The following SERPINB9 variants were observed in gnomAD, a reference collection of about 807,000 sequenced individuals.
SERPINB9 encodes serpin family B member 9, also known as serpin B9.
In SERPINB9, 20 loss-of-function variants were observed where a neutral mutation model predicts 27.2. That is an observed-to-expected ratio of 0.74 (90% CI 0.52 to 1.07). SERPINB9 has a LOEUF of 1.07. SERPINB9 is among the 50% of genes least tolerant of loss of function. The pLI, the probability that SERPINB9 is intolerant of heterozygous loss-of-function variation, is 0.00. For synonymous variants in SERPINB9, 189 were observed against 180.0 expected, an observed-to-expected ratio of 1.05 and a Z score of -0.40; for missense variants, 476 against 460.1, an observed-to-expected ratio of 1.03 and a Z score of -0.32.
intron 5 of SERPINB9, among the ~76,000 whole-genome samples, 155 bp from the exon 6 acceptor site, chr6:2,892,143 C>T (rs1464721067): frequency 7.5e-6 from 1 of 133,054 alleles, no homozygotes; most frequent in Non-Finnish European, 1.5e-5. Flanking sequence ...AAAAGTCAAC[C>T]AGTTCCTTCC....
In SERPINB9 at chr6:2,893,471, T is replaced by C. The variant is rs1467849487; in HGVS notation, c.507A>G (p.Gly169=). 4 of 1,613,432 alleles carry C rather than the reference T, an allele frequency of 2.5e-6. No homozygotes were observed. The African/African-American group carries it at 5.3e-5, about 22-fold the overall frequency. ...LVLVNAIYFK[G]KWNEPFDETY... is the part of the protein sequence containing the mutation. ...TTTCGTCAAACGGTTCATTCCACTT[T>C]CCTTTGAAGTAGATGGCATTGACAA... The change falls in exon 5 of 7, where the codon GGA becomes GGG. Residue 169 remains glycine, a synonymous_variant. Transcript: ENST00000380698.
In SERPINB9 at chr6:2,895,398, CT is replaced by C. The variant is rs1561645646; in HGVS notation, c.416del (p.Lys139ArgfsTer49). On this transcript the variant is annotated frameshift_variant, in exon 4 of 7. Coordinates refer to ENST00000380698, the MANE Select transcript of SERPINB9 (RefSeq NM_004155.6). LOFTEE classifies it high-confidence loss of function. ...ATAACTTGTCATTCTGACCTTCGGT[CT>C]TTTTTGAGACCCAGGTGTTGATGTG... ...RKHINTWVSK[K>X]TEGKIEELLP... 1.4e-5 allele frequency: 23 copies of C among 1,607,844 alleles called. No individual in the cohort carries two copies. Among genetic ancestry groups the C allele is most frequent in the Non-Finnish European group, 1.8e-5 (21 of 1,177,290 alleles).
chr6:2,892,890 T>A (rs1442857381), intron 5 of SERPINB9, among the ~76,000 whole-genome samples: 2 of 151,954 alleles, frequency 1.3e-5, no homozygotes, highest in Non-Finnish European at 2.9e-5. Flanking sequence ...AGTTTTAATA[T>A]TAAAAAGCTG....
chr6:2,900,885 T>TCACACACACACACACACACA (rs5742054), intron 1 of SERPINB9, among the ~76,000 whole-genome samples: 1,610 of 141,548 alleles, frequency 0.011, 12 homozygotes, highest in African/African-American at 0.024. Flanking sequence ...GCTCGCTCTC[T>TCACACACACACACACACACA]CACACACACA....
chr6:2,896,013 T>C (rs1667541081), intron 3 of SERPINB9, 40 bp downstream of exon 3: 1 of 1,586,354 alleles, frequency 6.3e-7, no homozygotes, highest in Admixed American at 1.8e-5. Context: ...TCACCAGGTA[T>C]GTTGAATGCA....
chr6:2,890,572 T>C lies in SERPINB9; in HGVS notation c.724-2A>G. On this transcript the variant is annotated splice_acceptor_variant, in intron 6 of 6. Transcript: ENST00000380698. LOFTEE classifies it high-confidence loss of function. The surrounding 1 kb of genome is among the most constrained non-coding windows in gnomAD (Gnocchi z 6.2). The stretch of plus-strand genomic sequence containing the variant: ...CTCAAAAGTGAGACTTTTTTCCACC[T>C]GAAAGACCAGAATTAGACTTTAAGA... 6.2e-7 allele frequency: 1 copy of C among 1,605,284 alleles called. No individual in the cohort carries two copies. Among genetic ancestry groups the C allele is most frequent in the Non-Finnish European group, 8.5e-7 (1 of 1,173,422 alleles).
chr6:2,891,047 A>C lies in SERPINB9; in HGVS notation c.724-477T>G, dbSNP rs572689025. On this transcript the variant is annotated intron_variant, in intron 6 of 6. Coordinates refer to ENST00000380698, the MANE Select transcript of SERPINB9 (RefSeq NM_004155.6). The surrounding 1 kb of genome is among the most constrained non-coding windows in gnomAD (Gnocchi z 4.0). ...GTTACCAGAGGATTATCTGCCCCAG[A>C]GAGATTCTGCATAGTTTCCGGAGCA... Among the ~76,000 whole-genome samples the C allele has an allele frequency of 1.3e-5, 2 of 152,252 alleles. No individual in the cohort carries two copies. Among genetic ancestry groups the C allele is most frequent in the African/African-American group, 4.8e-5 (2 of 41,548 alleles).
chr6:2,888,256 T>G lies in SERPINB9; in HGVS notation c.*1907A>C, dbSNP rs2113591443. On this transcript the variant is annotated 3_prime_UTR_variant, in exon 7 of 7. Transcript: ENST00000380698. ...TGGTGGGAATGTGGAATGGTTCAAC[T>G]GCTGTGGAAAACAGTTTGTCTGTTC... is the stretch of plus-strand genomic sequence containing the variant. 1 of 152,354 alleles carries G rather than the reference T, an allele frequency of 6.6e-6. No homozygotes were observed. The highest frequency in any genetic ancestry group is 2.4e-5 in the African/African-American group (1 of 41,578). The allele number at this position is 152,354 out of a possible 1,614,324, so 9.4% of individuals were successfully genotyped here.
At chr6:2,899,676 C>T (rs914897485) in intron 2 of SERPINB9, among the ~76,000 whole-genome samples, 3 of 152,188 alleles carry the variant, frequency 2.0e-5, no homozygotes, top group Non-Finnish European at 4.4e-5. Context: ...AGCCTTTACA[C>T]ATAAACCCTC....
rs1767740907 is a variant in SERPINB9 at position 2,890,142 on chromosome 6, A to C, written c.*21T>G. 6.3e-7 allele frequency: 1 copy of C among 1,595,978 alleles called. No homozygotes were observed. Among genetic ancestry groups the C allele is most frequent in the African/African-American group, 1.3e-5 (1 of 74,402 alleles). On this transcript the variant is annotated 3_prime_UTR_variant, in exon 7 of 7. Coordinates refer to ENST00000380698, the MANE Select transcript of SERPINB9 (RefSeq NM_004155.6). This position sits in a 1 kb window ranked among gnomAD's most constrained non-coding sequence, Gnocchi z 6.2. ...GGACACAGGAAGAGGGAAATGGCCG[A>C]GTGCACGGTAAGTGCACCCTTTATG...
rs2113605026 is a variant in SERPINB9 at position 2,893,403 on chromosome 6, TC to T, written c.567+7del. ...CAAACTAGCAGGATTTTAAAAAGCT[TC>T]CCCCACCTGGTTTATTTTAAAGGGC... On this transcript the variant is annotated splice_region_variant and intron_variant, in intron 5 of 6. Transcript: ENST00000380698. The T allele has an allele frequency of 6.3e-7, 1 of 1,597,002 alleles. No individual in the cohort carries two copies. The highest frequency in any genetic ancestry group is 8.5e-7 in the Non-Finnish European group (1 of 1,170,988).
In SERPINB9 at chr6:2,902,397, T is replaced by TC. The variant is rs563845715; in HGVS notation, c.-11+803dup. ...GCGCTGAGCCTGGCTCTGCAGATTC[T>TC]CAGGACCCCATTCGTTTAGCTGAAT... On this transcript the variant is annotated intron_variant, in intron 1 of 6. Transcript: ENST00000380698. Among the ~76,000 whole-genome samples, 322 of 151,942 alleles carry TC rather than the reference T, an allele frequency of 2.1e-3. 2 individuals are homozygous for TC. Among genetic ancestry groups the TC allele is most frequent in the African/African-American group, 7.5e-3 (310 of 41,210 alleles).
At chr6:2,896,924 G>C (rs1424946475) in intron 2 of SERPINB9, among the ~76,000 whole-genome samples, 2 of 151,818 alleles carry the variant, frequency 1.3e-5, no homozygotes, top group African/African-American at 4.8e-5. Context: ...AGGATTGTTT[G>C]AGCCCAAGAG....
In SERPINB9 at chr6:2,891,847, C is replaced by A. The variant is rs767711687; in HGVS notation, c.709G>T (p.Val237Leu). The change falls in exon 6 of 7, where the codon GTG becomes TTG. Residue 237 changes from valine (V) to leucine (L), a missense_variant. Val to Leu is a conservative substitution (Grantham distance 32). Coordinates refer to ENST00000380698, the MANE Select transcript of SERPINB9 (RefSeq NM_004155.6). The surrounding 1 kb of genome is among the most constrained non-coding windows in gnomAD (Gnocchi z 4.0). The stretch of plus-strand genomic sequence containing the variant: ...CCGGGTCTTACCGTGCTGAGCTCCA[C>A]GCCGTCGTCAGGCAGCAGCACCAGC... ...SLLVLLPDDG[V>L]ELSTVEKSLT... 6 of 1,606,242 alleles carry A rather than the reference C, an allele frequency of 3.7e-6. No individual in the cohort carries two copies. In the East Asian group the frequency reaches 1.3e-4, roughly 36 times the overall value.
At chr6:2,898,682 C>T (rs559993867) in intron 2 of SERPINB9, among the ~76,000 whole-genome samples, 3 of 152,000 alleles carry the variant, frequency 2.0e-5, no homozygotes, top group Non-Finnish European at 2.9e-5. Context: ...GGCGTGGGGG[C>T]GGGCACCTGT....
Position 2,894,416 on chromosome 6 carries a change from C to T in SERPINB9, c.425-863G>A, listed in dbSNP as rs1767924693. On this transcript the variant is annotated intron_variant, in intron 4 of 6. Coordinates refer to ENST00000380698, the MANE Select transcript of SERPINB9 (RefSeq NM_004155.6). The surrounding 1 kb of genome is among the most constrained non-coding windows in gnomAD (Gnocchi z 4.7). ...GAAATGTAGATGAATAAGGTTCAAC[C>T]CCAAATGGAGGGTATTTTCAGTCTG... Among the ~76,000 whole-genome samples, 1 of 152,144 alleles carries T rather than the reference C, an allele frequency of 6.6e-6. No homozygotes were observed. The highest frequency in any genetic ancestry group is 2.1e-4 in the South Asian group (1 of 4,820).
At position 2,896,113 on chromosome 6, in the gene SERPINB9, T is replaced by C; in HGVS notation, c.246A>G (p.Thr82=). 1 of 1,614,174 alleles carries C rather than the reference T, an allele frequency of 6.2e-7. No homozygotes were observed. ...TGTTGGCCGTTCTCAGCAGGTACTG[T>C]GTGCCAGCCTTGTTCACTTCAGTGA... ...SLLTEVNKAG[T]QYLLRTANRL... is the part of the protein sequence containing the mutation. Residue 82 remains threonine, a synonymous_variant, in exon 3 of 7, where the codon ACA becomes ACG. Transcript: ENST00000380698.
chr6:2,890,444 G>A lies in SERPINB9; in HGVS notation c.850C>T (p.Leu284Phe). Residue 284 changes from leucine to phenylalanine, a missense_variant, in exon 7 of 7, where the codon CTT (leucine) becomes TTT (phenylalanine). Physicochemically the swap from Leu to Phe is conservative, Grantham distance 22. Transcript: ENST00000380698. This position sits in a 1 kb window ranked among gnomAD's most constrained non-coding sequence, Gnocchi z 6.2. ...LQEDYDMESV[L>F]RHLGIVDAFQ... is the part of the protein sequence containing the mutation. ...GCATCAACAATTCCCAAATGCCGAAGCACAGATTCCATGTCATAATCCTCT... is the reference window on the plus strand; with the variant it reads ...GCATCAACAATTCCCAAATGCCGAAACACAGATTCCATGTCATAATCCTCT... 6.2e-7 allele frequency: 1 copy of A among 1,614,198 alleles called. No homozygotes were observed. Among genetic ancestry groups the A allele is most frequent in the Non-Finnish European group, 8.5e-7 (1 of 1,180,046 alleles).
At chr6:2,895,694 C>A (rs995665615) in intron 3 of SERPINB9, among the ~76,000 whole-genome samples, 186 bp from the exon 4 acceptor site, 1 of 151,634 alleles carries the variant, frequency 6.6e-6, no homozygotes, top group East Asian at 1.9e-4. Flanking sequence ...CCCTGAATAA[C>A]CAGAAATGAA....
Sources: gnomAD v4.1 joint callset for allele counts (sites outside exome capture counted in the v4.1 genomes callset) on GRCh38, gnomAD v4.1.1 for gene constraint, Gnocchi (gnomAD v3.1) non-coding constraint, MANE v1.5 for transcripts, NCBI Gene and HGNC (gene_info 2026-07-23, HGNC 2026-07-21) for gene names.